The following UTRN variants were observed in gnomAD, a reference collection of about 807,000 sequenced individuals.
UTRN encodes utrophin, also known as dystrophin-related protein 1.
Under a neutral mutation model 463.9 loss-of-function variants are expected in UTRN, and 283 were observed. The ratio of observed to expected loss-of-function variants is 0.61; its 90% CI spans 0.55 to 0.67. The LOEUF is 0.67. Ranked by LOEUF, UTRN falls within the 30% of genes least tolerant of loss-of-function variation. UTRN has a pLI of 0.00. For synonymous variants in UTRN, 1,442 were observed against 1,431.5 expected (o/e 1.01, Z -0.17); for missense variants, 3,922 against 4,084.3 (o/e 0.96, Z 1.08).
intron 33 of UTRN, among the ~76,000 whole-genome samples, chr6:144,498,796 G>A (rs115852836): frequency 2.1e-3 from 316 of 151,878 alleles, no homozygotes; most frequent in African/African-American, 7.4e-3. Context: ...CTGGAACTAC[G>A]AGCACGCACC....
At chr6:144,686,962 A>C (rs1395881568) in intron 52 of UTRN, among the ~76,000 whole-genome samples, 1 of 151,986 alleles carries the variant, frequency 6.6e-6, no homozygotes, top group Admixed American at 6.6e-5. Context: ...TTATTGTGTT[A>C]TTGTTTTATA....
At chr6:144,844,883 T>A (rs1562978131) in intron 73 of UTRN, among the ~76,000 whole-genome samples, 1 of 152,236 alleles carries the variant, frequency 6.6e-6, no homozygotes, top group Non-Finnish European at 1.5e-5. Context: ...TTCATGTTAA[T>A]CTTGACTTTT....
intron 51 of UTRN, among the ~76,000 whole-genome samples, chr6:144,629,675 C>T (rs1776309303): frequency 6.6e-6 from 1 of 152,184 alleles, no homozygotes; most frequent in African/African-American, 2.4e-5. Flanking sequence ...TGCTTTTGAA[C>T]TCCAATGTAG....
At position 144,317,984 on chromosome 6, in the gene UTRN, C is replaced by T. The variant is rs17073631; in HGVS notation, c.79+26077C>T. Among the ~76,000 whole-genome samples the T allele has an allele frequency of 9.5e-3, 1,453 of 152,154 alleles. 108 individuals are homozygous for T. In the East Asian group the frequency reaches 0.19, roughly 20 times the overall value. On this transcript the variant is annotated intron_variant, in intron 2 of 74. Coordinates refer to ENST00000367545, the MANE Select transcript of UTRN (RefSeq NM_007124.3). Reference sequence around the variant, plus strand: ...GATTGTTTTCTTTTGACAAACCTCACGACTGTATGTTTCACCATTTTTTGA... The same window carrying T: ...GATTGTTTTCTTTTGACAAACCTCATGACTGTATGTTTCACCATTTTTTGA...
intron 27 of UTRN, among the ~76,000 whole-genome samples, chr6:144,483,354 T>C (rs1562468451): frequency 6.6e-6 from 1 of 152,192 alleles, no homozygotes; most frequent in Non-Finnish European, 1.5e-5. Flanking sequence ...TGAGCAGATT[T>C]TTGGTCTGCT....
intron 51 of UTRN, among the ~76,000 whole-genome samples, chr6:144,654,300 C>A (rs1403128203): frequency 6.6e-6 from 1 of 152,194 alleles, no homozygotes; most frequent in African/African-American, 2.4e-5. Context: ...AGCCTCCAAG[C>A]ATGAGAGAAA....
At chr6:144,603,668 G>A (rs1411414177) in intron 51 of UTRN, among the ~76,000 whole-genome samples, 2 of 151,996 alleles carry the variant, frequency 1.3e-5, no homozygotes, top group African/African-American at 2.4e-5. Context: ...AAGTATTTGA[G>A]AACAAAATTT....
chr6:144,485,564 G>A, intron 28 of UTRN, 45 bp downstream of exon 28: 1 of 1,611,354 alleles, frequency 6.2e-7, no homozygotes, highest in South Asian at 1.1e-5. Context: ...GCTGTGATGA[G>A]GCCACACGTG....
At chr6:144,656,196 C>T (rs1214537127) in intron 51 of UTRN, among the ~76,000 whole-genome samples, 2 of 152,142 alleles carry the variant, frequency 1.3e-5, no homozygotes, top group Non-Finnish European at 2.9e-5. Context: ...TGCACATTGG[C>T]TTAAATTGGG....
intron 53 of UTRN, among the ~76,000 whole-genome samples, chr6:144,720,825 C>T (rs924362017): frequency 2.6e-5 from 4 of 152,092 alleles, no homozygotes; most frequent in African/African-American, 4.8e-5. Context: ...CTTGGTACCC[C>T]GTGTGTACCT....
intron 2 of UTRN, among the ~76,000 whole-genome samples, chr6:144,295,937 G>A (rs1351578158): frequency 6.6e-6 from 1 of 152,140 alleles, no homozygotes; most frequent in East Asian, 1.9e-4. Flanking sequence ...TTGCCTGGCT[G>A]GTTCCTTCTT....
intron 52 of UTRN, among the ~76,000 whole-genome samples, chr6:144,696,024 T>C (rs1215896914): frequency 1.3e-5 from 2 of 152,228 alleles, no homozygotes; most frequent in South Asian, 2.1e-4. Context: ...GATAAAATTC[T>C]ATCTTCCCTT....
chr6:144,831,146 T>C (rs972150596), intron 69 of UTRN, among the ~76,000 whole-genome samples: 3 of 152,116 alleles, frequency 2.0e-5, no homozygotes, highest in African/African-American at 7.2e-5. Context: ...ATGAAGGCAT[T>C]TGTGGTAAAC....
At chr6:144,425,080 T>C (rs1785177164) in intron 6 of UTRN, among the ~76,000 whole-genome samples, 1 of 152,360 alleles carries the variant, frequency 6.6e-6, no homozygotes, top group African/African-American at 2.4e-5. Context: ...GCATTACATT[T>C]ATTTTTCATG....
At chr6:144,576,540 A>T (rs1031397930) in intron 50 of UTRN, among the ~76,000 whole-genome samples, 2 of 152,138 alleles carry the variant, frequency 1.3e-5, no homozygotes, top group Non-Finnish European at 2.9e-5. Context: ...CAGCTGCTTC[A>T]ATTATTTTTA....
chr6:144,663,663 T>C (rs1780106763), intron 51 of UTRN, among the ~76,000 whole-genome samples: 1 of 152,162 alleles, frequency 6.6e-6, no homozygotes, highest in Non-Finnish European at 1.5e-5. Flanking sequence ...GATGTATGTG[T>C]CTGCTGTGTG....
intron 2 of UTRN, among the ~76,000 whole-genome samples, chr6:144,351,538 C>G (rs12661969): frequency 0.088 from 13,428 of 152,154 alleles, 1,670 homozygotes; most frequent in African/African-American, 0.28. Context: ...CAAGATGCCC[C>G]AGATGTTTTG....
chr6:144,295,802 C>T (rs573123556), intron 2 of UTRN, among the ~76,000 whole-genome samples: 18 of 152,254 alleles, frequency 1.2e-4, no homozygotes, highest in East Asian at 3.9e-4. Context: ...TCCTCACAAC[C>T]GCCATTTTGC....
chr6:144,459,131 T>A (rs372661323), intron 20 of UTRN, 43 bp from the exon 21 acceptor site: 1 of 1,587,130 alleles, frequency 6.3e-7, no homozygotes. Context: ...TGTGAGGATG[T>A]TCATCTTCAG....
Sources: allele counts gnomAD v4.1 joint callset (sites outside exome capture counted in the v4.1 genomes callset), GRCh38; gene constraint gnomAD v4.1.1; transcripts MANE v1.5; gene names NCBI Gene and HGNC (gene_info 2026-07-23, HGNC 2026-07-21).